The following INPP4A variants were observed in gnomAD, a reference collection of about 807,000 sequenced individuals.
The protein encoded by INPP4A is inositol polyphosphate-4-phosphatase type I A.
INPP4A carries 33 observed loss-of-function variants against 119.8 expected under a neutral mutation model. That is an observed-to-expected ratio of 0.28 (90% confidence interval 0.21 to 0.37). The LOEUF (loss-of-function observed/expected upper bound fraction) is 0.37. Ranked by LOEUF, INPP4A falls within the 10% of genes least tolerant of loss-of-function variation. The probability of loss-of-function intolerance (pLI) is 1.00; values close to 1 mark genes in which losing one functional copy is unlikely to be tolerated. For missense variants in INPP4A, 956 were observed against 1,289.9 expected (o/e 0.74, Z 3.97); for synonymous variants, 496 against 500.7 (o/e 0.99, Z 0.12).
rs1697267034 is a variant in INPP4A at position 98,570,611 on chromosome 2, G to C, written c.2518+1943G>C. Reference sequence around the variant, plus strand: ...TGGGACACACCCTGGAGCTGCAGGGGCCATGGGAGTGCTCAAAGGTCCGAG... The same window carrying C: ...TGGGACACACCCTGGAGCTGCAGGGCCCATGGGAGTGCTCAAAGGTCCGAG... On this transcript the variant is annotated intron_variant, in intron 22 of 24. Coordinates refer to ENST00000409851, the MANE Select transcript of INPP4A (RefSeq NM_001134225.2). This position sits in a 1 kb window ranked among gnomAD's most constrained non-coding sequence, Gnocchi z 4.3. Among the ~76,000 whole-genome samples the C allele has an allele frequency of 1.3e-5, 2 of 152,156 alleles. No homozygotes were observed. Among genetic ancestry groups the C allele is most frequent in the Non-Finnish European group, 2.9e-5 (2 of 68,020 alleles).
rs796668288 is a variant in INPP4A, at chr2:98,553,069, G to T, written c.1347+100G>T. 1.2e-4 allele frequency: 109 copies of T among 914,352 alleles called. No homozygotes were observed. In the African/African-American group the frequency reaches 1.5e-3, roughly 13 times the overall value. 56.6% of individuals were successfully genotyped at this position (914,352 alleles called of 1,614,324 possible). On this transcript the variant is annotated intron_variant, in intron 14 of 24. Coordinates refer to ENST00000409851, the MANE Select transcript of INPP4A (RefSeq NM_001134225.2). Reference sequence around the variant, plus strand: ...GTACCTAAGATGGTCCACAAAGAGCGTGACATTGGGATGACTTTGAAGGTC... The same window carrying T: ...GTACCTAAGATGGTCCACAAAGAGCTTGACATTGGGATGACTTTGAAGGTC...
intron 1 of INPP4A, among the ~76,000 whole-genome samples, chr2:98,491,329 G>A (rs1293229662): frequency 6.6e-6 from 1 of 152,222 alleles, no homozygotes; most frequent in Admixed American, 6.5e-5. Context: ...GCAGCGCCAC[G>A]TAGGGCCTGG....
At chr2:98,477,419 C>G (rs1677465280) in intron 1 of INPP4A, among the ~76,000 whole-genome samples, 1 of 152,256 alleles carries the variant, frequency 6.6e-6, no homozygotes, top group African/African-American at 2.4e-5. Flanking sequence ...GAGCAAGTGA[C>G]TGTTCCTGAC....
intron 24 of INPP4A, 46 bp downstream of exon 24, chr2:98,577,189 G>T: frequency 3.9e-6 from 6 of 1,523,232 alleles, no homozygotes; most frequent in Non-Finnish European, 5.3e-6. Flanking sequence ...CCCGGCCCGT[G>T]TAAACTGCAG....
intron 13 of INPP4A, among the ~76,000 whole-genome samples, chr2:98,552,411 C>G (rs1455304570): frequency 6.6e-6 from 1 of 152,182 alleles, no homozygotes; most frequent in African/African-American, 2.4e-5. Context: ...TAAATGGCCT[C>G]TATGTCTCCA....
At position 98,463,889 on chromosome 2, in the gene INPP4A, C is replaced by T. The variant is rs73964090; in HGVS notation, c.-166+18804C>T. 7.8e-3 allele frequency among the ~76,000 whole-genome samples: 1,181 copies of T among 152,272 alleles called. 10 individuals carry two copies. Among genetic ancestry groups the T allele is most frequent in the African/African-American group, 0.026 (1,085 of 41,536 alleles). On this transcript the variant is annotated intron_variant, in intron 1 of 24. Transcript: ENST00000409851. ...GGCAGCTTTTCCTCCAGTCTCTGCT[C>T]GCTCCGTGCACAGCCCTTGTCTCCT...
chr2:98,589,068 C>T lies in INPP4A; in HGVS notation c.*1460C>T, dbSNP rs1193408118. ...GTGGAACTGGATGACCTTCCAGACC[C>T]CCTCCTACTCAGAAGTCAGCATGCA... On this transcript the variant is annotated 3_prime_UTR_variant, in exon 25 of 25. Coordinates refer to ENST00000409851, the MANE Select transcript of INPP4A (RefSeq NM_001134225.2). The T allele has an allele frequency of 5.5e-6, 1 of 181,056 alleles. No individual in the cohort carries two copies. Among genetic ancestry groups the T allele is most frequent in the African/African-American group, 2.4e-5 (1 of 42,394 alleles). 11.2% of individuals were successfully genotyped at this position (181,056 alleles called of 1,614,324 possible).
chr2:98,451,778 A>T (rs577674367), intron 1 of INPP4A, among the ~76,000 whole-genome samples: 2 of 152,282 alleles, frequency 1.3e-5, no homozygotes, highest in South Asian at 4.1e-4. Context: ...AATTTTCAAG[A>T]AGGATGACCT....
In INPP4A at chr2:98,552,884, G is replaced by A; in HGVS notation, c.1262G>A (p.Ser421Asn). Residue 421 changes from serine to asparagine, a missense_variant, in exon 14 of 25, where the codon AGT becomes AAT. By Grantham distance (46) the Ser-to-Asn change is conservative (BLOSUM62 1). Around this residue, in one of 2 missense-constraint regions of INPP4A, gnomAD observed 652 missense variants for 797.9 expected, o/e 0.82. Coordinates refer to ENST00000409851, the MANE Select transcript of INPP4A (RefSeq NM_001134225.2). ...AQINTLKTQVSYYAERLSRAA... is the reference protein window; with the variant it reads ...AQINTLKTQVNYYAERLSRAA... ...ATCAACACCCTGAAAACCCAAGTGA[G>A]TTACTACGCAGAGCGGCTGTCAAGG... is the stretch of plus-strand genomic sequence containing the variant. 1 of 1,613,908 alleles carries A rather than the reference G, an allele frequency of 6.2e-7. No individual in the cohort carries two copies. The highest frequency in any genetic ancestry group is 2.2e-5 in the East Asian group (1 of 44,878).
intron 1 of INPP4A, among the ~76,000 whole-genome samples, chr2:98,481,948 G>C (rs1678555668): frequency 6.6e-6 from 1 of 152,158 alleles, no homozygotes. Context: ...TGGATTGTTT[G>C]ATGTCTTGTC....
At chr2:98,518,880 T>C (rs1220525413) in intron 1 of INPP4A, 84 bp from the exon 2 acceptor site, 1 of 152,350 alleles carries the variant, frequency 6.6e-6, no homozygotes, top group Middle Eastern at 3.4e-3. Context: ...GAGTAGCTCT[T>C]GGCCTCCACG....
At chr2:98,579,006 C>CT (rs1313431743) in intron 24 of INPP4A, among the ~76,000 whole-genome samples, 1 of 151,852 alleles carries the variant, frequency 6.6e-6, no homozygotes, top group Non-Finnish European at 1.5e-5. Flanking sequence ...AAATAACAGT[C>CT]TTGTGAGCAT....
chr2:98,466,155 C>T (rs111851458), intron 1 of INPP4A, among the ~76,000 whole-genome samples: 7,746 of 152,328 alleles, frequency 0.051, 266 homozygotes, highest in Middle Eastern at 0.099. Flanking sequence ...AAGCGATTCT[C>T]CTGCCTCAGC....
chr2:98,591,886 A>C lies in INPP4A; in HGVS notation c.*4278A>C, dbSNP rs2106581265. On this transcript the variant is annotated 3_prime_UTR_variant, in exon 25 of 25. Transcript: ENST00000409851. ...TTTTTGAATAGAGGTTTCTCACAGT[A>C]TCCTCAGCAGCATTGAGTGTTCCTA... 6.6e-6 allele frequency: 1 copy of C among 152,346 alleles called. No homozygotes were observed. Among genetic ancestry groups the C allele is most frequent in the East Asian group, 1.9e-4 (1 of 5,186 alleles). 9.4% of individuals were successfully genotyped at this position (152,346 alleles called of 1,614,324 possible).
chr2:98,587,408 T>C, intron 24 of INPP4A, 68 bp from the exon 25 acceptor site: 1 of 1,418,524 alleles, frequency 7.0e-7, no homozygotes, highest in Non-Finnish European at 9.4e-7. Context: ...GTTCATTTCA[T>C]CTTAGTTTAA....
chr2:98,504,254 G>A (rs949978002), intron 1 of INPP4A, among the ~76,000 whole-genome samples: 3 of 152,192 alleles, frequency 2.0e-5, no homozygotes, highest in Non-Finnish European at 4.4e-5. Flanking sequence ...CATCAGGACT[G>A]CTTGCTGCCC....
At chr2:98,503,412 T>G (rs1049973255) in intron 1 of INPP4A, among the ~76,000 whole-genome samples, 10 of 152,248 alleles carry the variant, frequency 6.6e-5, no homozygotes, top group African/African-American at 2.4e-4. Flanking sequence ...AAGACTTTCC[T>G]GTTTCCTGAG....
At chr2:98,446,606 A>G (rs964738886) in intron 1 of INPP4A, among the ~76,000 whole-genome samples, 4 of 152,316 alleles carry the variant, frequency 2.6e-5, no homozygotes, top group African/African-American at 9.6e-5. Flanking sequence ...GATGTGGACA[A>G]ATTCAAAGAG....
rs1370661370 is a variant in INPP4A at position 98,539,667 on chromosome 2, T to G, written c.810T>G (p.Asp270Glu). Residue 270 changes from aspartate (D) to glutamate (E), a missense_variant, in exon 10 of 25, where the codon GAT (aspartate) becomes GAG (glutamate). Coordinates refer to ENST00000409851, the MANE Select transcript of INPP4A (RefSeq NM_001134225.2). ...RQFVKLLLEE[D>E]AARVCELEEL... ...TCGTGAAGCTCCTACTAGAGGAAGA[T>G]GCAGCCAGGTGAGGCCACATGGAAG... is the stretch of plus-strand genomic sequence containing the variant. 6.2e-7 allele frequency: 1 copy of G among 1,607,800 alleles called. No individual in the cohort carries two copies. The highest frequency in any genetic ancestry group is 8.5e-7 in the Non-Finnish European group (1 of 1,177,366).
Sources: allele counts gnomAD v4.1 joint callset (sites outside exome capture counted in the v4.1 genomes callset), GRCh38; gene constraint gnomAD v4.1.1; regional missense constraint gnomAD v4.1.1; non-coding constraint Gnocchi (gnomAD v3.1); transcripts MANE v1.5; gene names NCBI Gene and HGNC (gene_info 2026-07-23, HGNC 2026-07-21).